Variants in FLNB observed in about 807,000 individuals in gnomAD.
FLNB encodes filamin B.
Under a neutral mutation model 250.6 loss-of-function variants are expected in FLNB, and 111 were observed. The ratio of observed to expected loss-of-function variants is 0.44; its 90% CI spans 0.38 to 0.52. FLNB has a LOEUF of 0.52. Ranked by LOEUF, FLNB falls within the 20% of genes least tolerant of loss-of-function variation. The pLI is 0.00. For missense variants in FLNB, 2,869 were observed against 3,447.8 expected (o/e 0.83, Z 4.20); for synonymous variants, 1,302 against 1,372.1 (o/e 0.95, Z 1.13).
chr3:58,041,929 G>A (rs2097146645), intron 1 of FLNB, among the ~76,000 whole-genome samples: 1 of 152,174 alleles, frequency 6.6e-6, no homozygotes, highest in Non-Finnish European at 1.5e-5. Flanking sequence ...CTTGCCCCAA[G>A]TGCCCTCTTT....
chr3:58,141,767 G>A (rs1436314402), intron 29 of FLNB, 91 bp from the exon 30 acceptor site: 1 of 1,192,322 alleles, frequency 8.4e-7, no homozygotes, highest in Middle Eastern at 1.9e-4. Context: ...GTTCAAGATG[G>A]AGCAGTGGGG....
In FLNB at chr3:58,154,890, A is replaced by T; in HGVS notation, c.6734A>T (p.Asn2245Ile). 1 of 1,614,116 alleles carries T rather than the reference A, an allele frequency of 6.2e-7. No individual in the cohort carries two copies. Among genetic ancestry groups the T allele is most frequent in the Non-Finnish European group, 8.5e-7 (1 of 1,179,966 alleles). Residue 2245 changes from asparagine (N) to isoleucine (I), a missense_variant, in exon 40 of 46, where the codon AAT (asparagine) becomes ATT (isoleucine). This residue lies in a region of FLNB where 1,084 missense variants were observed against 1,315.5 expected (regional missense o/e 0.82). Transcript: ENST00000295956. ...GAGATTACATTCGATGACCATAAAA[A>T]TGGGTCGTGCGGTGTATCTTATATT... ...KAEITFDDHK[N>I]GSCGVSYIAQ...
intron 1 of FLNB, among the ~76,000 whole-genome samples, chr3:58,069,543 T>C (rs2097191101): frequency 6.6e-6 from 1 of 152,152 alleles, no homozygotes; most frequent in South Asian, 2.1e-4. Flanking sequence ...GCCCGGCCCA[T>C]AGTTCAGTTC....
Position 58,138,662 on chromosome 3 carries a change from A to G in FLNB, c.5109+133A>G, listed in dbSNP as rs922579599. 4.6e-6 allele frequency: 5 copies of G among 1,093,030 alleles called. No individual in the cohort carries two copies. The African/African-American group carries it at 7.7e-5, about 17-fold the overall frequency. 67.7% of individuals were successfully genotyped at this position (1,093,030 alleles called of 1,614,324 possible). A position where few individuals can be genotyped will look rare whatever the true frequency, so the allele number is the denominator to read the frequency against. ...GAAAAAAATTTGTTAAGCAGTCATGACCTTGTAGAGTCCCAGAGTAATCTC... is the reference window on the plus strand; with the variant it reads ...GAAAAAAATTTGTTAAGCAGTCATGGCCTTGTAGAGTCCCAGAGTAATCTC... On this transcript the variant is annotated intron_variant, in intron 29 of 45. Coordinates refer to ENST00000295956, the MANE Select transcript of FLNB (RefSeq NM_001457.4).
chr3:58,071,254 A>G (rs1451673241), intron 1 of FLNB, among the ~76,000 whole-genome samples: 4 of 124,444 alleles, frequency 3.2e-5, no homozygotes, highest in Admixed American at 2.5e-4. Context: ...TGGCCTACAC[A>G]CCCCTATCTC....
chr3:58,169,681 C>T lies in FLNB; in HGVS notation c.7509C>T (p.Ser2503=), dbSNP rs777882704. 1.3e-5 allele frequency: 21 copies of T among 1,614,026 alleles called. No individual in the cohort carries two copies. The highest frequency in any genetic ancestry group is 3.3e-4 in the Middle Eastern group (2 of 6,062). Reference sequence around the variant, plus strand: ...GGTCGTCTACAGAGACCTGCTATAGCGCCATTCCCAAGGCATCCTCGGACG... The same window carrying T: ...GGTCGTCTACAGAGACCTGCTATAGTGCCATTCCCAAGGCATCCTCGGACG... ...VTRSSTETCY[S]AIPKASSDAS... is the part of the protein sequence containing the mutation. Residue 2503 remains serine, a synonymous_variant, in exon 45 of 46, where the codon AGC becomes AGT. Transcript: ENST00000295956. The surrounding 1 kb of genome is among the most constrained non-coding windows in gnomAD (Gnocchi z 4.8).
intron 43 of FLNB, chr3:58,163,631 A>G (rs760398565): frequency 9.2e-6 from 4 of 433,482 alleles, no homozygotes; most frequent in African/African-American, 2.0e-5. Flanking sequence ...ATAGTCAGGG[A>G]ACACAGCACA....
intron 1 of FLNB, among the ~76,000 whole-genome samples, chr3:58,069,309 G>T: frequency 6.9e-6 from 1 of 145,476 alleles, no homozygotes; most frequent in East Asian, 2.0e-4. Context: ...GAGTGATTTC[G>T]GCTCACTGAG....
intron 1 of FLNB, among the ~76,000 whole-genome samples, chr3:58,070,898 C>G (rs577660891): frequency 6.6e-6 from 1 of 151,366 alleles, no homozygotes; most frequent in Non-Finnish European, 1.5e-5. Flanking sequence ...GATCTGCCCT[C>G]CTTGGCCTCC....
rs150401797 is a variant in FLNB, at chr3:58,073,176, T to C, written c.293-3870T>C. Among the ~76,000 whole-genome samples the C allele has an allele frequency of 1.2e-3, 189 of 151,800 alleles. 2 individuals are homozygous for C. The highest frequency in any genetic ancestry group is 4.0e-3 in the African/African-American group (166 of 41,396). On this transcript the variant is annotated intron_variant, in intron 1 of 45. Coordinates refer to ENST00000295956, the MANE Select transcript of FLNB (RefSeq NM_001457.4). Reference sequence around the variant, plus strand: ...ATTTATTTATTTATTTATTTATTTATTTACTTATTTATTGTTTACCCTTTT... The same window carrying C: ...ATTTATTTATTTATTTATTTATTTACTTACTTATTTATTGTTTACCCTTTT...
intron 7 of FLNB, 139 bp downstream of exon 7, chr3:58,098,116 T>G: frequency 1.1e-6 from 1 of 924,484 alleles, no homozygotes. Context: ...TTCAAATGTG[T>G]TATATTAGAT....
chr3:58,065,023 G>A (rs1470480617), intron 1 of FLNB, among the ~76,000 whole-genome samples: 3 of 152,162 alleles, frequency 2.0e-5, no homozygotes, highest in Non-Finnish European at 4.4e-5. Flanking sequence ...TTGGGTGACA[G>A]AGCAAGACCC....
intron 41 of FLNB, among the ~76,000 whole-genome samples, chr3:58,156,878 G>A (rs757225836): frequency 4.6e-5 from 7 of 152,220 alleles, no homozygotes; most frequent in East Asian, 3.9e-4. Flanking sequence ...TGGATTTTTC[G>A]TAGAGATGGG....
chr3:58,163,165 G>A lies in FLNB; in HGVS notation c.7033G>A (p.Val2345Ile), dbSNP rs2097364500. 1 of 1,614,170 alleles carries A rather than the reference G, an allele frequency of 6.2e-7. No individual in the cohort carries two copies. Among genetic ancestry groups the A allele is most frequent in the Non-Finnish European group, 8.5e-7 (1 of 1,180,000 alleles). The change falls in exon 43 of 46, where the codon GTT (valine) becomes ATT (isoleucine). Residue 2345 changes from valine (V) to isoleucine (I), a missense_variant. Physicochemically the swap from Val to Ile is conservative, Grantham distance 29. This residue lies in a region of FLNB where 1,084 missense variants were observed against 1,315.5 expected (regional missense o/e 0.82). Coordinates refer to ENST00000295956, the MANE Select transcript of FLNB (RefSeq NM_001457.4). Reference protein sequence around the residue: ...VSELEPDKYAVRFIPHENGVH... With the variant: ...VSELEPDKYAIRFIPHENGVH... ...GCTCATTCTCCTAGATAAGTATGCT[G>A]TTCGCTTCATCCCTCATGAGAATGG...
At chr3:58,100,881 A>G (rs958765604) in intron 8 of FLNB, among the ~76,000 whole-genome samples, 1 of 151,436 alleles carries the variant, frequency 6.6e-6, no homozygotes, top group Non-Finnish European at 1.5e-5. Flanking sequence ...TTACAGGCAT[A>G]AGCCACCATG....
At chr3:58,108,751 C>T (rs905002458) in intron 13 of FLNB, among the ~76,000 whole-genome samples, 180 bp downstream of exon 13, 1 of 152,064 alleles carries the variant, frequency 6.6e-6, no homozygotes, top group South Asian at 2.1e-4. Flanking sequence ...GAGTACTGGG[C>T]TTTAAAAAAA....
At chr3:58,104,929 G>T (rs992557684) in intron 10 of FLNB, 151 bp from the exon 11 acceptor site, 3 of 922,596 alleles carry the variant, frequency 3.3e-6, no homozygotes, top group Non-Finnish European at 5.4e-6. Flanking sequence ...TGGGTGAGAG[G>T]CCTGCAGGAG....
chr3:58,120,495 G>A (rs1376906394), intron 19 of FLNB, among the ~76,000 whole-genome samples: 1 of 152,112 alleles, frequency 6.6e-6, no homozygotes, highest in Non-Finnish European at 1.5e-5. Flanking sequence ...TTTTGTTTTG[G>A]GTAAAGTCCT....
chr3:58,096,316 A>AT, intron 6 of FLNB, 98 bp downstream of exon 6: 1 of 896,120 alleles, frequency 1.1e-6, no homozygotes, highest in Non-Finnish European at 1.8e-6. Context: ...TGAATTTCTG[A>AT]TTTTCCTTTC....
Sources: allele counts gnomAD v4.1 joint callset (sites outside exome capture counted in the v4.1 genomes callset), GRCh38; gene constraint gnomAD v4.1.1; regional missense constraint gnomAD v4.1.1; non-coding constraint Gnocchi (gnomAD v3.1); transcripts MANE v1.5; gene names NCBI Gene and HGNC (gene_info 2026-07-23, HGNC 2026-07-21).